The following ANKRD45 variants were observed in gnomAD, a reference collection of about 807,000 sequenced individuals.
ANKRD45 encodes ankyrin repeat domain-containing protein 45.
In ANKRD45, 21 loss-of-function variants were observed where a neutral mutation model predicts 28.1. That is an observed-to-expected ratio of 0.75 (90% CI 0.53 to 1.08). ANKRD45 has a LOEUF of 1.08. Among genes scored for constraint, ANKRD45 ranks in the 50% least tolerant of loss-of-function variants. The pLI, the probability that ANKRD45 is intolerant of heterozygous loss-of-function variation, is 0.00. For missense variants in ANKRD45, 261 were observed against 308.7 expected (o/e 0.85, Z 1.16); for synonymous variants, 86 against 103.9 (o/e 0.83, Z 1.05).
At chr1:173,666,686 A>T (rs920402251) in intron 1 of ANKRD45, among the ~76,000 whole-genome samples, 1 of 152,230 alleles carries the variant, frequency 6.6e-6, no homozygotes, top group Non-Finnish European at 1.5e-5. Context: ...TTTAATCCGC[A>T]GATACAGAGG....
At chr1:173,676,974 C>A in the ANKRD45 span, among the ~76,000 whole-genome samples, 1 of 151,530 alleles carries the variant, frequency 6.6e-6, no homozygotes, top group African/African-American at 2.4e-5. Context: ...AATTTTTATA[C>A]CAAATAAGCC....
At chr1:173,710,502 G>A in the ANKRD45 span, among the ~76,000 whole-genome samples, 162 of 152,276 alleles carry the variant, frequency 1.1e-3, no homozygotes, top group Non-Finnish European at 1.9e-3. Flanking sequence ...CCTTGGGGTG[G>A]GTTGTCCGCA....
chr1:173,633,998 C>T (rs1035518849), intron 3 of ANKRD45, among the ~76,000 whole-genome samples: 10 of 151,796 alleles, frequency 6.6e-5, no homozygotes, highest in African/African-American at 1.9e-4. Context: ...GGGATTATTA[C>T]GTTAAAAAGC....
the ANKRD45 span, among the ~76,000 whole-genome samples, chr1:173,713,721 CT>C: frequency 6.6e-6 from 1 of 151,964 alleles, no homozygotes; most frequent in Non-Finnish European, 1.5e-5. Context: ...GGAGGACCAT[CT>C]CCCATACCCC....
Position 173,646,847 on chromosome 1 carries a change from T to G in ANKRD45, c.495A>C (p.Ala165=), listed in dbSNP as rs1668956459. 2 of 1,613,760 alleles carry G rather than the reference T, an allele frequency of 1.2e-6. No individual in the cohort carries two copies. Among genetic ancestry groups the G allele is most frequent in the East Asian group, 4.5e-5 (2 of 44,876 alleles). Residue 165 remains alanine, a splice_region_variant and synonymous_variant, in exon 3 of 6, where the codon GCA becomes GCC. Transcript: ENST00000333279. ...CTAACCCCTTGTGAGCTTCCTTACC[T>G]GCCCAGTCCAGGAATTCAACACACT... ...QTECVEFLDW[A]DARLTLKKYI...
chr1:173,648,231 C>T (rs1272201331), intron 2 of ANKRD45, among the ~76,000 whole-genome samples: 1 of 152,168 alleles, frequency 6.6e-6, no homozygotes, highest in Non-Finnish European at 1.5e-5. Context: ...AGCCACCATG[C>T]CCAGCCAATA....
the ANKRD45 span, among the ~76,000 whole-genome samples, chr1:173,682,682 A>AGTACACAC: frequency 2.6e-4 from 25 of 95,302 alleles, no homozygotes; most frequent in East Asian, 2.6e-3. Context: ...AGGCCTTTTA[A>AGTACACAC]ATACACACAC....
At position 173,608,410 on chromosome 1, in the gene ANKRD45, C is replaced by T. The variant is rs1171237759; in HGVS notation, c.*1735G>A. Among the ~76,000 whole-genome samples, 5 of 152,104 alleles carry T rather than the reference C, an allele frequency of 3.3e-5. No individual in the cohort carries two copies. In the East Asian group the frequency reaches 7.7e-4, roughly 24 times the overall value. ...TCGGCTCACTGCAACCTCCACCTCC[C>T]GGGCTCAGGTGATTCTCCTGCCTCA... On this transcript the variant is annotated 3_prime_UTR_variant, in exon 6 of 6. Transcript: ENST00000333279.
chr1:173,632,528 C>CAAAAAAAAAAAAA, intron 3 of ANKRD45, among the ~76,000 whole-genome samples: 1 of 114,700 alleles, frequency 8.7e-6, no homozygotes, highest in African/African-American at 3.1e-5. Flanking sequence ...AAAGACACAT[C>CAAAAAAAAAAAAA]AAAAAAAAAA....
rs188030646 is a variant in ANKRD45, at chr1:173,638,476, C to G, written c.496+8370G>C. ...AGGTTGAGCCACCCCCAGCCCCCTG[C>G]CGCTGCCATATCCAGGAGTGCTAGA... On this transcript the variant is annotated intron_variant, in intron 3 of 5. Transcript: ENST00000333279. Among the ~76,000 whole-genome samples, 219 of 151,920 alleles carry G rather than the reference C, an allele frequency of 1.4e-3. 1 individual carries two copies. The highest frequency in any genetic ancestry group is 4.9e-3 in the African/African-American group (203 of 41,520).
chr1:173,643,547 AAAG>A (rs1402607707), intron 3 of ANKRD45, among the ~76,000 whole-genome samples: 2 of 152,136 alleles, frequency 1.3e-5, no homozygotes, highest in Admixed American at 1.3e-4. Context: ...TGGAAATATT[AAAG>A]AATATATTAA....
At chr1:173,636,796 G>A (rs558737592) in intron 3 of ANKRD45, 3 of 1,461,266 alleles carry the variant, frequency 2.1e-6, no homozygotes, top group East Asian at 4.9e-5. Flanking sequence ...GTTTTATGTA[G>A]ATAAAATCTG....
At chr1:173,689,764 G>A in the ANKRD45 span, among the ~76,000 whole-genome samples, 65 of 151,890 alleles carry the variant, frequency 4.3e-4, no homozygotes, top group South Asian at 0.012. Flanking sequence ...ATATTTTCCC[G>A]GTGATCTGCG....
intron 5 of ANKRD45, among the ~76,000 whole-genome samples, chr1:173,614,282 A>G (rs1427187325): frequency 6.6e-6 from 1 of 151,490 alleles, no homozygotes; most frequent in East Asian, 1.9e-4. Context: ...AAAAAAATAA[A>G]TAAAATAAAA....
intron 4 of ANKRD45, among the ~76,000 whole-genome samples, chr1:173,625,627 A>C (rs1571704148): frequency 6.6e-6 from 1 of 151,714 alleles, no homozygotes; most frequent in Non-Finnish European, 1.5e-5. Flanking sequence ...AAGCAGTAGC[A>C]TATGCAGAAG....
At chr1:173,659,735 T>C (rs1346105579) in intron 1 of ANKRD45, among the ~76,000 whole-genome samples, 1 of 152,074 alleles carries the variant, frequency 6.6e-6, no homozygotes, top group Non-Finnish European at 1.5e-5. Flanking sequence ...TAGGAAGAGA[T>C]TGAAAAAGAA....
chr1:173,690,504 A>C, the ANKRD45 span, among the ~76,000 whole-genome samples: 3 of 152,154 alleles, frequency 2.0e-5, no homozygotes, highest in African/African-American at 7.2e-5. Context: ...TGCCTCCAAC[A>C]AAGGGCATAG....
At chr1:173,651,730 T>A (rs1272355832) in intron 2 of ANKRD45, among the ~76,000 whole-genome samples, 3 of 152,236 alleles carry the variant, frequency 2.0e-5, no homozygotes, top group Non-Finnish European at 4.4e-5. Context: ...TCCATGAGCA[T>A]GGAATGTTCT....
At chr1:173,691,404 C>CA in the ANKRD45 span, among the ~76,000 whole-genome samples, 1 of 152,162 alleles carries the variant, frequency 6.6e-6, no homozygotes, top group Admixed American at 6.5e-5. Context: ...GGCGAGCCCC[C>CA]AAATTGTTAC....
Sources: allele counts gnomAD v4.1 joint callset (sites outside exome capture counted in the v4.1 genomes callset), GRCh38; gene constraint gnomAD v4.1.1; transcripts MANE v1.5; gene names NCBI Gene and HGNC (gene_info 2026-07-23, HGNC 2026-07-21).